Variants in BANK1 observed in about 807,000 individuals in gnomAD.
BANK1 encodes B-cell scaffold protein with ankyrin repeats.
Under a neutral mutation model 94.5 loss-of-function variants are expected in BANK1, and 95 were observed. The ratio of observed to expected loss-of-function variants is 1.00; its 90% confidence interval spans 0.85 to 1.19. The LOEUF (loss-of-function observed/expected upper bound fraction) is 1.19. Among genes scored for constraint, BANK1 ranks in the 50% most tolerant of loss-of-function variants. BANK1 has a pLI of 0.00. For missense variants in BANK1, 987 were observed against 932.2 expected, an observed-to-expected ratio of 1.06 and a Z score of -0.77; for synonymous variants, 334 against 308.4, an observed-to-expected ratio of 1.08 and a Z score of -0.87.
chr4:101,827,548 G>A (rs1391736510), intron 1 of BANK1, among the ~76,000 whole-genome samples: 1 of 151,932 alleles, frequency 6.6e-6, no homozygotes, highest in Non-Finnish European at 1.5e-5. Flanking sequence ...AAGTTAAAAT[G>A]TGCGTTTTGT....
At chr4:101,941,271 C>T (rs1723733913) in intron 7 of BANK1, among the ~76,000 whole-genome samples, 1 of 151,592 alleles carries the variant, frequency 6.6e-6, no homozygotes, top group Non-Finnish European at 1.5e-5. Flanking sequence ...GTATATTTAA[C>T]ATGTGTATTT....
intron 5 of BANK1, among the ~76,000 whole-genome samples, chr4:101,885,591 A>G (rs1156442715): frequency 6.6e-6 from 1 of 152,200 alleles, no homozygotes; most frequent in Non-Finnish European, 1.5e-5. Flanking sequence ...CTCATCTTAT[A>G]CAACTCCCTG....
chr4:101,947,497 G>C (rs1198645961), intron 7 of BANK1, among the ~76,000 whole-genome samples: 1 of 150,998 alleles, frequency 6.6e-6, no homozygotes, highest in African/African-American at 2.4e-5. Context: ...ATGTCTGATA[G>C]GTTCAAGTAG....
chr4:101,878,704 C>G (rs1015364613), intron 5 of BANK1, among the ~76,000 whole-genome samples: 1 of 152,100 alleles, frequency 6.6e-6, no homozygotes, highest in Non-Finnish European at 1.5e-5. Context: ...TATGTTAGGT[C>G]ACAAAACAAG....
intron 6 of BANK1, among the ~76,000 whole-genome samples, chr4:101,902,231 C>T (rs1448794552): frequency 1.3e-5 from 2 of 152,182 alleles, no homozygotes; most frequent in African/African-American, 4.8e-5. Context: ...CCTCTATCTA[C>T]CCATGACACC....
intron 3 of BANK1, among the ~76,000 whole-genome samples, chr4:101,859,789 T>C (rs1328114897): frequency 1.3e-5 from 2 of 152,186 alleles, no homozygotes; most frequent in African/African-American, 4.8e-5. Flanking sequence ...CAGAATGTTT[T>C]TACGTGAATA....
intron 7 of BANK1, among the ~76,000 whole-genome samples, chr4:102,009,004 C>T (rs571293763): frequency 5.9e-5 from 9 of 152,354 alleles, no homozygotes; most frequent in Non-Finnish European, 7.3e-5. Context: ...GTAGCTTCAT[C>T]AGCACTCCTC....
chr4:101,943,990 T>C (rs1723839365), intron 7 of BANK1, among the ~76,000 whole-genome samples: 1 of 151,482 alleles, frequency 6.6e-6, no homozygotes, highest in African/African-American at 2.4e-5. Context: ...GTGCCTGGTA[T>C]TTGTAGATAA....
At position 102,023,474 on chromosome 4, in the gene BANK1, A is replaced by AAAGAAAAATTTCACTTTTGCAGTTTG. The variant is rs1160243179; in HGVS notation, c.1286-1724_1286-1699dup. Among the ~76,000 whole-genome samples the AAAGAAAAATTTCACTTTTGCAGTTTG allele has an allele frequency of 3.3e-5, 5 of 152,336 alleles. No homozygotes were observed. In the East Asian group the frequency reaches 9.6e-4, roughly 29 times the overall value. ...ATAAAACATTATTTCAATTCTTTAT[A>AAAGAAAAATTTCACTTTTGCAGTTTG]AAGAAAAATTTCACTTTTGCAGTTT... On this transcript the variant is annotated intron_variant, in intron 8 of 16. Coordinates refer to ENST00000322953, the MANE Select transcript of BANK1 (RefSeq NM_017935.5).
At chr4:101,937,553 C>T (rs1723610062) in intron 7 of BANK1, among the ~76,000 whole-genome samples, 1 of 151,792 alleles carries the variant, frequency 6.6e-6, no homozygotes, top group African/African-American at 2.4e-5. Context: ...CCATCTCATG[C>T]CAGTTAGAAT....
At chr4:101,981,110 T>C (rs1000274029) in intron 7 of BANK1, among the ~76,000 whole-genome samples, 1 of 152,124 alleles carries the variant, frequency 6.6e-6, no homozygotes, top group Non-Finnish European at 1.5e-5. Flanking sequence ...TGAAGTGTTA[T>C]TTAATAGTTG....
intron 1 of BANK1, among the ~76,000 whole-genome samples, chr4:101,796,056 G>A (rs1454415634): frequency 2.0e-5 from 3 of 152,192 alleles, no homozygotes; most frequent in Non-Finnish European, 4.4e-5. Context: ...ATCAGTAGAA[G>A]ATTGATGAAA....
chr4:101,894,177 T>G (rs1195460066), intron 5 of BANK1, among the ~76,000 whole-genome samples: 2 of 152,062 alleles, frequency 1.3e-5, no homozygotes, highest in African/African-American at 4.8e-5. Context: ...TGCCCATATG[T>G]GATTACATTA....
intron 7 of BANK1, among the ~76,000 whole-genome samples, chr4:102,008,612 A>T (rs1726382260): frequency 6.6e-6 from 1 of 152,230 alleles, no homozygotes; most frequent in African/African-American, 2.4e-5. Flanking sequence ...TAGAAGGAAT[A>T]GCCAGGCACA....
At chr4:101,995,714 CAT>C (rs1725855312) in intron 7 of BANK1, among the ~76,000 whole-genome samples, 1 of 152,064 alleles carries the variant, frequency 6.6e-6, no homozygotes, top group Non-Finnish European at 1.5e-5. Flanking sequence ...AGCTTTTTTT[CAT>C]ATGTTTTTTG....
intron 5 of BANK1, among the ~76,000 whole-genome samples, chr4:101,873,961 G>GA (rs1490545413): frequency 6.6e-6 from 1 of 152,034 alleles, no homozygotes; most frequent in African/African-American, 2.4e-5. Flanking sequence ...AAATAACATC[G>GA]AAAGGCTAAA....
In BANK1 at chr4:101,896,137, T is replaced by C. The variant is rs146284090; in HGVS notation, c.1009+727T>C. 2.2e-3 allele frequency among the ~76,000 whole-genome samples: 333 copies of C among 152,074 alleles called. 2 individuals are homozygous for C. Among genetic ancestry groups the C allele is most frequent in the African/African-American group, 7.4e-3 (307 of 41,554 alleles). ...TATCAAGAAAAGTATATGTAGGAGATATACATGAAAAATTATATTTCCAGA... is the reference window on the plus strand; with the variant it reads ...TATCAAGAAAAGTATATGTAGGAGACATACATGAAAAATTATATTTCCAGA... On this transcript the variant is annotated intron_variant, in intron 6 of 16. Transcript: ENST00000322953.
intron 6 of BANK1, among the ~76,000 whole-genome samples, chr4:101,914,416 TA>T (rs1387370226): frequency 1.3e-5 from 2 of 152,132 alleles, no homozygotes; most frequent in African/African-American, 2.4e-5. Flanking sequence ...TAAGGCACCG[TA>T]AGTCAGAAAA....
At chr4:101,833,169 C>T (rs528457804) in intron 2 of BANK1, among the ~76,000 whole-genome samples, 32 of 152,020 alleles carry the variant, frequency 2.1e-4, no homozygotes, top group Non-Finnish European at 1.2e-4. Flanking sequence ...AGTAGAGATT[C>T]GGTTTCTCCA....
Sources: gnomAD v4.1 joint callset for allele counts (sites outside exome capture counted in the v4.1 genomes callset) on GRCh38, gnomAD v4.1.1 for gene constraint, MANE v1.5 for transcripts, NCBI Gene and HGNC (gene_info 2026-07-23, HGNC 2026-07-21) for gene names.